The following C8orf34 variants were observed in gnomAD, a reference collection of about 807,000 sequenced individuals.
C8orf34 encodes the protein chromosome 8 open reading frame 34.
In C8orf34, 65 loss-of-function variants were observed where a neutral mutation model predicts 68.3. That is an observed-to-expected ratio of 0.95 (90% CI 0.78 to 1.17). The LOEUF (loss-of-function observed/expected upper bound fraction) is 1.17, where lower values mean the gene tolerates loss of function less well. Ranked by LOEUF, C8orf34 falls within the 50% of genes most tolerant of loss-of-function variation. The pLI, the probability that C8orf34 is intolerant of heterozygous loss-of-function variation, is 0.00. For synonymous variants in C8orf34, 244 were observed against 241.2 expected, an observed-to-expected ratio of 1.01 and a Z score of -0.11; for missense variants, 664 against 655.4, an observed-to-expected ratio of 1.01 and a Z score of -0.14.
At position 68,331,154 on chromosome 8, in the gene C8orf34, C is replaced by A; in HGVS notation, c.142C>A (p.Pro48Thr). ...GGGCCGAGCCAGCCACGCAGGGCAG[C>A]CGAGGCTCCGGAGCTCCTGTCCCGG... is the stretch of plus-strand genomic sequence containing the variant. Reference protein sequence around the residue: ...GRGRASHAGQPRLRSSCPGPS... With the variant: ...GRGRASHAGQTRLRSSCPGPS... Residue 48 changes from proline (P) to threonine (T), a missense_variant, in exon 1 of 14, where the codon CCG becomes ACG. By Grantham distance (38) the Pro-to-Thr change is conservative. Coordinates refer to ENST00000518698, the MANE Select transcript of C8orf34 (RefSeq NM_052958.4). 6.5e-7 allele frequency: 1 copy of A among 1,528,584 alleles called. No homozygotes were observed. Among genetic ancestry groups the A allele is most frequent in the Non-Finnish European group, 8.8e-7 (1 of 1,141,750 alleles). The allele number at this position is 1,528,584 out of a possible 1,614,324, so 94.7% of individuals were successfully genotyped here. A position where few individuals can be genotyped will look rare whatever the true frequency, so the allele number is the denominator to read the frequency against.
At chr8:68,774,820 C>G (rs1823459693) in intron 10 of C8orf34, among the ~76,000 whole-genome samples, 1 of 151,254 alleles carries the variant, frequency 6.6e-6, no homozygotes, top group Admixed American at 6.6e-5. Context: ...AAGAGTGTCA[C>G]CCTGGGCCGG....
intron 5 of C8orf34, among the ~76,000 whole-genome samples, chr8:68,496,846 A>G (rs1006261715): frequency 5.3e-5 from 8 of 152,188 alleles, no homozygotes; most frequent in Non-Finnish European, 1.2e-4. Flanking sequence ...TCTGTGTTCC[A>G]GAATCTCTTG....
chr8:68,806,373 C>T (rs1824485055), intron 12 of C8orf34, among the ~76,000 whole-genome samples: 1 of 151,792 alleles, frequency 6.6e-6, no homozygotes, highest in South Asian at 2.1e-4. Flanking sequence ...ATTATCTTTG[C>T]CTGAAATTTC....
At chr8:68,422,780 G>A (rs936244603) in intron 1 of C8orf34, among the ~76,000 whole-genome samples, 3 of 152,184 alleles carry the variant, frequency 2.0e-5, no homozygotes, top group Admixed American at 2.0e-4. Flanking sequence ...GCAAACTTCT[G>A]CCTGGACATC....
chr8:68,559,202 CA>C (rs1449703332), intron 7 of C8orf34, among the ~76,000 whole-genome samples: 1 of 152,120 alleles, frequency 6.6e-6, no homozygotes, highest in Non-Finnish European at 1.5e-5. Flanking sequence ...TGCAGGAATA[CA>C]GGTGGAAGAT....
chr8:68,738,177 G>A (rs1822176772), intron 10 of C8orf34, among the ~76,000 whole-genome samples: 1 of 152,012 alleles, frequency 6.6e-6, no homozygotes, highest in African/African-American at 2.4e-5. Flanking sequence ...CTTGGAAATT[G>A]AATAACCTGC....
At chr8:68,539,393 CT>C (rs1252403728) in intron 7 of C8orf34, among the ~76,000 whole-genome samples, 1 of 152,154 alleles carries the variant, frequency 6.6e-6, no homozygotes, top group African/African-American at 2.4e-5. Flanking sequence ...TAATTCAGCA[CT>C]TGGTTGCATT....
intron 6 of C8orf34, among the ~76,000 whole-genome samples, chr8:68,522,988 G>T (rs569994639): frequency 3.3e-5 from 5 of 152,240 alleles, no homozygotes; most frequent in East Asian, 1.9e-4. Context: ...GCTTTCAGGG[G>T]TTCTTTGCGG....
chr8:68,642,425 G>A (rs1217607701), intron 8 of C8orf34, among the ~76,000 whole-genome samples: 13 of 152,158 alleles, frequency 8.5e-5, no homozygotes, highest in Non-Finnish European at 8.8e-5. Flanking sequence ...AGTATCAGTT[G>A]TCGAGAACTA....
At chr8:68,641,873 C>G (rs962580186) in intron 8 of C8orf34, among the ~76,000 whole-genome samples, 1 of 152,220 alleles carries the variant, frequency 6.6e-6, no homozygotes, top group Admixed American at 6.5e-5. Flanking sequence ...CAGAACTTAA[C>G]AGAATTTTTC....
intron 1 of C8orf34, among the ~76,000 whole-genome samples, chr8:68,332,200 A>G (rs556831527): frequency 6.6e-6 from 1 of 152,070 alleles, no homozygotes; most frequent in East Asian, 2.0e-4. Context: ...TGGCACCAGC[A>G]AAGCGTCCCG....
intron 1 of C8orf34, among the ~76,000 whole-genome samples, chr8:68,388,276 G>A (rs1199259166): frequency 6.6e-6 from 1 of 152,106 alleles, no homozygotes; most frequent in Non-Finnish European, 1.5e-5. Context: ...GGCAAACTCA[G>A]TCCTTAAGCT....
intron 7 of C8orf34, among the ~76,000 whole-genome samples, chr8:68,620,701 A>G (rs1040593344): frequency 1.3e-5 from 2 of 152,098 alleles, no homozygotes; most frequent in Non-Finnish European, 2.9e-5. Context: ...GGAAAAAAAA[A>G]AAGAAAAAGA....
chr8:68,704,761 A>C (rs1821116646), intron 8 of C8orf34, among the ~76,000 whole-genome samples: 1 of 152,166 alleles, frequency 6.6e-6, no homozygotes, highest in African/African-American at 2.4e-5. Context: ...ATTTTAGAGC[A>C]AGAGGTCTTG....
chr8:68,368,173 T>C (rs867287663), intron 1 of C8orf34, among the ~76,000 whole-genome samples: 3 of 152,124 alleles, frequency 2.0e-5, no homozygotes, highest in Non-Finnish European at 4.4e-5. Context: ...TCCTCTGAAA[T>C]TGCACCGGAA....
At chr8:68,407,203 T>C (rs922038465) in intron 1 of C8orf34, among the ~76,000 whole-genome samples, 1 of 151,582 alleles carries the variant, frequency 6.6e-6, no homozygotes, top group African/African-American at 2.4e-5. Flanking sequence ...GGCTACTTTT[T>C]CTAAGGTTCC....
Position 68,619,992 on chromosome 8 carries a change from A to G in C8orf34, c.1106-20384A>G, listed in dbSNP as rs1037901322. 5.3e-5 allele frequency among the ~76,000 whole-genome samples: 8 copies of G among 152,288 alleles called. No individual in the cohort carries two copies. The South Asian group carries it at 6.2e-4, about 12-fold the overall frequency. On this transcript the variant is annotated intron_variant, in intron 7 of 13. Coordinates refer to ENST00000518698, the MANE Select transcript of C8orf34 (RefSeq NM_052958.4). Reference sequence around the variant, plus strand: ...AATAGTCAGAGTGAAGAGGATTAGAAGTGAAGAGGAAGGTGACAGAATCTT... The same window carrying G: ...AATAGTCAGAGTGAAGAGGATTAGAGGTGAAGAGGAAGGTGACAGAATCTT...
At chr8:68,646,559 A>G (rs1819178840) in intron 8 of C8orf34, among the ~76,000 whole-genome samples, 1 of 152,174 alleles carries the variant, frequency 6.6e-6, no homozygotes, top group Admixed American at 6.5e-5. Flanking sequence ...TCACTGAAAC[A>G]TATGTATTCC....
chr8:68,722,259 C>G (rs1821698486), intron 10 of C8orf34, among the ~76,000 whole-genome samples: 1 of 151,992 alleles, frequency 6.6e-6, no homozygotes, highest in Admixed American at 6.6e-5. Context: ...GCACTTAACA[C>G]CAGTGATACA....
Sources: allele counts gnomAD v4.1 joint callset (sites outside exome capture counted in the v4.1 genomes callset), GRCh38; gene constraint gnomAD v4.1.1; transcripts MANE v1.5; gene names NCBI Gene and HGNC (gene_info 2026-07-23, HGNC 2026-07-21).